XPO6: variants seen among roughly 807,000 people sequenced by gnomAD.
The protein encoded by XPO6 is exportin 6.
In XPO6, 3 loss-of-function variants were observed where a neutral mutation model predicts 130.0. The observed-to-expected ratio is 0.02, with a 90% confidence interval of 0.01 to 0.06. XPO6 has a LOEUF of 0.06. Among genes scored for constraint, XPO6 ranks in the 10% least tolerant of loss-of-function variants. The pLI, the probability that XPO6 is intolerant of heterozygous loss-of-function variation, is 1.00. For missense variants in XPO6, 970 were observed against 1,393.0 expected (o/e 0.70, Z 4.83); for synonymous variants, 524 against 548.9 (o/e 0.95, Z 0.63).
chr16:28,128,771 T>G (rs1170611205), intron 12 of XPO6, among the ~76,000 whole-genome samples: 1 of 152,112 alleles, frequency 6.6e-6, no homozygotes, highest in Admixed American at 6.5e-5. Context: ...TCTGGACAAC[T>G]TGGTCACAAA....
intron 6 of XPO6, among the ~76,000 whole-genome samples, chr16:28,163,718 G>A (rs1711997677): frequency 6.6e-6 from 1 of 152,188 alleles, no homozygotes; most frequent in Non-Finnish European, 1.5e-5. Context: ...AGAGTAAGTG[G>A]CAGGGCCAAG....
chr16:28,105,468 A>T (rs958011528), intron 20 of XPO6, among the ~76,000 whole-genome samples: 2 of 152,252 alleles, frequency 1.3e-5, no homozygotes, highest in African/African-American at 4.8e-5. Flanking sequence ...GAAGCCTCAT[A>T]GGCCCAGTGC....
chr16:28,177,042 T>A (rs887889094), intron 3 of XPO6, among the ~76,000 whole-genome samples, 178 bp downstream of exon 3: 9 of 152,140 alleles, frequency 5.9e-5, no homozygotes, highest in Non-Finnish European at 8.8e-5. Flanking sequence ...ACCTTTCTAG[T>A]GTGGAAGATG....
At chr16:28,148,195 T>C (rs74014215) in intron 8 of XPO6, among the ~76,000 whole-genome samples, 8,240 of 152,312 alleles carry the variant, frequency 0.054, 571 homozygotes, top group East Asian at 0.17. Flanking sequence ...CAAAGTACTT[T>C]ATAATTATAC....
intron 4 of XPO6, 42 bp downstream of exon 4, chr16:28,175,856 C>G: frequency 6.3e-7 from 1 of 1,576,504 alleles, no homozygotes. Flanking sequence ...CTTCAACAAA[C>G]AAACTATTCA....
At chr16:28,206,218 A>T (rs1288264932) in intron 1 of XPO6, among the ~76,000 whole-genome samples, 4 of 151,800 alleles carry the variant, frequency 2.6e-5, no homozygotes, top group Non-Finnish European at 5.9e-5. Flanking sequence ...AGGGTTGTAA[A>T]CTTCATAGCA....
chr16:28,124,144 GC>G (rs764206532), intron 13 of XPO6, among the ~76,000 whole-genome samples: 17 of 148,130 alleles, frequency 1.1e-4, no homozygotes, highest in Non-Finnish European at 2.2e-4. Flanking sequence ...TGCAACCTCC[GC>G]CTCCCAGGTT....
intron 15 of XPO6, among the ~76,000 whole-genome samples, chr16:28,116,199 C>T (rs1267920462): frequency 6.6e-6 from 1 of 152,170 alleles, no homozygotes; most frequent in Admixed American, 6.5e-5. Flanking sequence ...CGGTGGCTCA[C>T]GCCCGTAATC....
chr16:28,210,639 C>T (rs151008322), intron 1 of XPO6, among the ~76,000 whole-genome samples: 201 of 150,936 alleles, frequency 1.3e-3, no homozygotes, highest in Admixed American at 4.4e-3. Context: ...GATGTGGATA[C>T]ACAAAGAGAT....
At chr16:28,103,936 A>G (rs2086712375) in intron 21 of XPO6, among the ~76,000 whole-genome samples, 1 of 152,238 alleles carries the variant, frequency 6.6e-6, no homozygotes, top group African/African-American at 2.4e-5. Context: ...GACTCAGATG[A>G]GAACGTCAGA....
At chr16:28,156,569 T>C (rs759509795) in intron 6 of XPO6, 42 bp from the exon 7 acceptor site, 6 of 1,448,336 alleles carry the variant, frequency 4.1e-6, no homozygotes, top group Non-Finnish European at 5.6e-6. Context: ...GCATCAAATC[T>C]CTTACAAATG....
rs558676726 is a variant in XPO6, at chr16:28,112,994, G to A, written c.2061C>T (p.Thr687=). Residue 687 remains threonine (T), a synonymous_variant, in exon 16 of 24, where the codon ACC becomes ACT. Transcript: ENST00000304658. ...TGCTGATCAGAAAGACGGGCCGCAC[G>A]GTGGTGGCCAGTGAGACCAGTAAGT... ...ACHLLVSLAT[T]VRPVFLISIP... 21 of 1,614,156 alleles carry A rather than the reference G, an allele frequency of 1.3e-5. No homozygotes were observed. Among genetic ancestry groups the A allele is most frequent in the East Asian group, 4.5e-5 (2 of 44,886 alleles).
intron 1 of XPO6, among the ~76,000 whole-genome samples, chr16:28,209,890 G>C (rs1006131154): frequency 6.6e-6 from 1 of 152,098 alleles, no homozygotes; most frequent in Non-Finnish European, 1.5e-5. Flanking sequence ...TGTAATCCCA[G>C]CACTTTGGGA....
At chr16:28,105,697 T>A (rs2086760375) in intron 20 of XPO6, 1 of 198,696 alleles carries the variant, frequency 5.0e-6, no homozygotes, top group Admixed American at 5.4e-5. Flanking sequence ...TTGCCTTGTA[T>A]CCTCGAGACC....
At chr16:28,113,812 G>C (rs1378397159) in intron 15 of XPO6, among the ~76,000 whole-genome samples, 2 of 152,050 alleles carry the variant, frequency 1.3e-5, no homozygotes, top group Non-Finnish European at 2.9e-5. Context: ...TTTAAGGGAG[G>C]CAGCCTAGAA....
chr16:28,168,781 GT>G (rs763325251), intron 5 of XPO6, among the ~76,000 whole-genome samples: 68 of 125,760 alleles, frequency 5.4e-4, no homozygotes, highest in Admixed American at 6.5e-4. Flanking sequence ...TTTTTGTTTT[GT>G]TTTTTTTTTT....
chr16:28,123,688 G>C (rs1013660714), intron 13 of XPO6, among the ~76,000 whole-genome samples: 1 of 152,178 alleles, frequency 6.6e-6, no homozygotes, highest in African/African-American at 2.4e-5. Context: ...CGAAGTCCTC[G>C]TGATCAGAAC....
rs36053876 is a variant in XPO6, at chr16:28,179,065, C to CA, written c.95-1734dup. The CA allele has an allele frequency of 9.4e-3, 1,328 of 141,896 alleles. 16 individuals are homozygous for CA. Among genetic ancestry groups the CA allele is most frequent in the African/African-American group, 0.018 (685 of 37,506 alleles). The allele number at this position is 141,896 out of a possible 1,614,324, so 8.8% of individuals were successfully genotyped here. On this transcript the variant is annotated intron_variant, in intron 2 of 23. Transcript: ENST00000304658. ...CTGGCGACAGAGTGAGGCACCATTT[C>CA]AAAAAAAAAAAAAATCCAAGCCTTT... is the stretch of plus-strand genomic sequence containing the variant.
chr16:28,169,184 C>G (rs758019497), intron 5 of XPO6, among the ~76,000 whole-genome samples: 41 of 152,318 alleles, frequency 2.7e-4, no homozygotes, highest in Non-Finnish European at 8.8e-5. Flanking sequence ...CCCCAGTCAC[C>G]CAGGGCACTC....
Sources: gnomAD v4.1 joint callset for allele counts (sites outside exome capture counted in the v4.1 genomes callset) on GRCh38, gnomAD v4.1.1 for gene constraint, MANE v1.5 for transcripts, NCBI Gene and HGNC (gene_info 2026-07-23, HGNC 2026-07-21) for gene names.